The following ASCC3 variants were observed in gnomAD, a reference collection of about 807,000 sequenced individuals.
The protein encoded by ASCC3 is activating signal cointegrator 1 complex subunit 3.
Under a neutral mutation model 256.3 loss-of-function variants are expected in ASCC3, and 158 were observed. The observed-to-expected ratio is 0.62, with a 90% CI of 0.54 to 0.70. The LOEUF is 0.70. ASCC3 is among the 30% of genes least tolerant of loss of function. The pLI, the probability that ASCC3 is intolerant of heterozygous loss-of-function variation, is 0.00. For missense variants in ASCC3, 2,259 were observed against 2,626.0 expected (o/e 0.86, Z 3.05); for synonymous variants, 948 against 883.4 (o/e 1.07, Z -1.30).
chr6:100,626,599 T>TTGATGC (rs1258772959), intron 29 of ASCC3, among the ~76,000 whole-genome samples: 6 of 152,122 alleles, frequency 3.9e-5, no homozygotes, highest in African/African-American at 1.4e-4. Flanking sequence ...AGTCATTCCA[T>TTGATGC]ATAGATATAT....
rs180741681 is a variant in ASCC3, at chr6:100,745,969, A to G, written c.1738-20266T>C. Among the ~76,000 whole-genome samples the G allele has an allele frequency of 1.0e-3, 156 of 152,052 alleles. 1 individual carries two copies. Among genetic ancestry groups the G allele is most frequent in the South Asian group, 2.3e-3 (11 of 4,820 alleles). ...TATCTATCGACATAGATAGGCGTTC[A>G]TGGTATATTTTAAAATAATAAAAAA... On this transcript the variant is annotated intron_variant, in intron 10 of 41. Coordinates refer to ENST00000369162, the MANE Select transcript of ASCC3 (RefSeq NM_006828.4).
intron 10 of ASCC3, among the ~76,000 whole-genome samples, chr6:100,731,959 C>G (rs906122363): frequency 6.6e-6 from 1 of 151,950 alleles, no homozygotes; most frequent in African/African-American, 2.4e-5. Flanking sequence ...GTCAGGAGTT[C>G]GAGAACAGCC....
At chr6:100,812,350 ACAT>A (rs1454549026) in intron 4 of ASCC3, among the ~76,000 whole-genome samples, 3 of 152,190 alleles carry the variant, frequency 2.0e-5, no homozygotes, top group Admixed American at 6.5e-5. Flanking sequence ...GAAGGTAACC[ACAT>A]GTCAAATATA....
At chr6:100,787,968 T>TG (rs927595482) in intron 8 of ASCC3, among the ~76,000 whole-genome samples, 2 of 152,098 alleles carry the variant, frequency 1.3e-5, no homozygotes, top group African/African-American at 4.8e-5. Flanking sequence ...GAGTTTTTTT[T>TG]TTTGTTTATA....
chr6:100,661,962 T>G lies in ASCC3; in HGVS notation c.2547A>C (p.Ile849=). 5.0e-6 allele frequency: 8 copies of G among 1,613,426 alleles called. No individual in the cohort carries two copies. Among genetic ancestry groups the G allele is most frequent in the Non-Finnish European group, 6.8e-6 (8 of 1,179,514 alleles). ...VDLGILDVMQ[I]FGRAGRPQFD... is the part of the protein sequence containing the mutation. ...ATTGTGGTCGTCCAGCTCGACCAAA[T>G]ATCTGCATGACATCTAAAATTCCAA... Residue 849 remains isoleucine (I), a synonymous_variant, in exon 16 of 42, where the codon ATA becomes ATC. Transcript: ENST00000369162.
At chr6:100,742,538 C>G (rs1780486118) in intron 10 of ASCC3, among the ~76,000 whole-genome samples, 1 of 152,202 alleles carries the variant, frequency 6.6e-6, no homozygotes, top group Non-Finnish European at 1.5e-5. Flanking sequence ...AGGGAGAGAT[C>G]AGAGCCCTGT....
intron 37 of ASCC3, among the ~76,000 whole-genome samples, chr6:100,536,130 C>G (rs1483790790): frequency 6.6e-6 from 1 of 152,138 alleles, no homozygotes; most frequent in African/African-American, 2.4e-5. Context: ...TAGTTAGCAT[C>G]TGCTTTTTGC....
At chr6:100,578,316 A>C (rs1185849705) in intron 36 of ASCC3, among the ~76,000 whole-genome samples, 1 of 152,074 alleles carries the variant, frequency 6.6e-6, no homozygotes, top group Non-Finnish European at 1.5e-5. Flanking sequence ...TCTGTTACAC[A>C]GGTAAATTGT....
chr6:100,589,268 G>A (rs1421071226), intron 36 of ASCC3, among the ~76,000 whole-genome samples: 1 of 152,016 alleles, frequency 6.6e-6, no homozygotes, highest in Non-Finnish European at 1.5e-5. Flanking sequence ...TCACAGCTAA[G>A]TATTCAACAG....
At chr6:100,586,720 A>G (rs545515422) in intron 36 of ASCC3, among the ~76,000 whole-genome samples, 82 of 152,300 alleles carry the variant, frequency 5.4e-4, no homozygotes, top group Non-Finnish European at 5.9e-5. Context: ...CTATTCGGCC[A>G]TCTTGGCTCC....
At chr6:100,637,484 G>T (rs1473252774) in intron 25 of ASCC3, among the ~76,000 whole-genome samples, 1 of 152,072 alleles carries the variant, frequency 6.6e-6, no homozygotes, top group Non-Finnish European at 1.5e-5. Context: ...CATCTATTCT[G>T]TACTCCAGGG....
At position 100,627,954 on chromosome 6, in the gene ASCC3, A is replaced by G; in HGVS notation, c.4409T>C (p.Val1470Ala). 1 of 1,613,678 alleles carries G rather than the reference A, an allele frequency of 6.2e-7. No homozygotes were observed. The highest frequency in any genetic ancestry group is 8.5e-7 in the Non-Finnish European group (1 of 1,179,802). ...EERGPVLEVI[V>A]SRTNFISSHT... ...TGATGAGATAAAATTTGTTCGAGAT[A>G]CAATGACCTCTAGAACAGGGCCTCT... Residue 1470 changes from valine (V) to alanine (A), a missense_variant, in exon 28 of 42, where the codon GTA becomes GCA. Physicochemically the swap from Val to Ala is moderately conservative, Grantham distance 64 (BLOSUM62 0). Around this residue, in one of 2 missense-constraint regions of ASCC3, gnomAD observed 1,839 missense variants for 2,206.7 expected, o/e 0.83. Coordinates refer to ENST00000369162, the MANE Select transcript of ASCC3 (RefSeq NM_006828.4).
At chr6:100,732,384 G>T (rs879575312) in intron 10 of ASCC3, among the ~76,000 whole-genome samples, 2 of 152,112 alleles carry the variant, frequency 1.3e-5, no homozygotes, top group Non-Finnish European at 2.9e-5. Flanking sequence ...GTACTTTTGG[G>T]AAAGGCAGAC....
At chr6:100,817,960 A>C (rs1770834139) in intron 4 of ASCC3, among the ~76,000 whole-genome samples, 1 of 152,208 alleles carries the variant, frequency 6.6e-6, no homozygotes, top group African/African-American at 2.4e-5. Context: ...CCAGAAAACT[A>C]TAGAGCAATA....
At chr6:100,790,638 T>C (rs1330837442) in intron 8 of ASCC3, among the ~76,000 whole-genome samples, 2 of 151,970 alleles carry the variant, frequency 1.3e-5, no homozygotes, top group South Asian at 2.1e-4. Flanking sequence ...TTAAATTCAT[T>C]AGATTTTCAG....
intron 8 of ASCC3, among the ~76,000 whole-genome samples, chr6:100,778,114 A>AAT (rs397728053): frequency 7.0e-6 from 1 of 142,012 alleles, no homozygotes; most frequent in Non-Finnish European, 1.6e-5. Context: ...AAAAAAAAAA[A>AAT]GAGAGATAAA....
intron 34 of ASCC3, among the ~76,000 whole-genome samples, chr6:100,599,992 C>T (rs769398649): frequency 7.9e-5 from 12 of 151,878 alleles, no homozygotes; most frequent in Non-Finnish European, 1.6e-4. Context: ...GGAGGCTATT[C>T]GTTACTTTCC....
In ASCC3 at chr6:100,642,573, C is replaced by T; in HGVS notation, c.3901+8G>A. 1 of 1,613,492 alleles carries T rather than the reference C, an allele frequency of 6.2e-7. No homozygotes were observed. Among genetic ancestry groups the T allele is most frequent in the Non-Finnish European group, 8.5e-7 (1 of 1,179,568 alleles). Reference sequence around the variant, plus strand: ...ATCAATGATTCAAATCAGCATTCACCATGTTACCTGTATGAGGAGGATGTC... The same window carrying T: ...ATCAATGATTCAAATCAGCATTCACTATGTTACCTGTATGAGGAGGATGTC... On this transcript the variant is annotated splice_region_variant and intron_variant, in intron 24 of 41. Transcript: ENST00000369162.
chr6:100,804,871 T>C (rs1770092076), intron 5 of ASCC3, among the ~76,000 whole-genome samples: 1 of 152,142 alleles, frequency 6.6e-6, no homozygotes. Flanking sequence ...AAGACAGAGT[T>C]ACCATTTGAC....
Sources: allele counts gnomAD v4.1 joint callset (sites outside exome capture counted in the v4.1 genomes callset), GRCh38; gene constraint gnomAD v4.1.1; regional missense constraint gnomAD v4.1.1; transcripts MANE v1.5; gene names NCBI Gene and HGNC (gene_info 2026-07-23, HGNC 2026-07-21).